The following CPSF3 variants were observed in gnomAD, a reference collection of about 807,000 sequenced individuals.
CPSF3 encodes the protein cleavage and polyadenylation specificity factor subunit 3.
Under a neutral mutation model 84.1 loss-of-function variants are expected in CPSF3, and 57 were observed. That is an observed-to-expected ratio of 0.68 (90% CI 0.55 to 0.85). CPSF3 has a LOEUF of 0.85. CPSF3 is among the 40% of genes least tolerant of loss of function. The pLI is 0.00. For synonymous variants in CPSF3, 275 were observed against 278.1 expected (o/e 0.99, Z 0.11); for missense variants, 522 against 838.8 (o/e 0.62, Z 4.66).
At chr2:9,432,327 C>G (rs1001066206) in intron 4 of CPSF3, among the ~76,000 whole-genome samples, 184 bp from the exon 5 acceptor site, 2 of 144,276 alleles carry the variant, frequency 1.4e-5, no homozygotes, top group African/African-American at 2.7e-5. Flanking sequence ...AGTTTTGTAG[C>G]TATACACACA....
chr2:9,438,102 T>C (rs536869913), intron 7 of CPSF3, among the ~76,000 whole-genome samples: 1 of 152,324 alleles, frequency 6.6e-6, no homozygotes, highest in East Asian at 1.9e-4. Context: ...TGTTCTGCCA[T>C]CTTGGTGAGG....
At chr2:9,424,330 T>C in intron 1 of CPSF3, 2 of 867,030 alleles carry the variant, frequency 2.3e-6, no homozygotes, top group Non-Finnish European at 2.8e-6. Flanking sequence ...TCTTCTCAGC[T>C]CAGGCCCTAG....
At chr2:9,437,533 T>A (rs768825130) in intron 7 of CPSF3, among the ~76,000 whole-genome samples, 4 of 152,222 alleles carry the variant, frequency 2.6e-5, no homozygotes, top group South Asian at 2.1e-4. Context: ...TATTTTTTGT[T>A]TTCTGCTTTT....
intron 1 of CPSF3, chr2:9,425,016 G>A (rs1263705422): frequency 6.6e-6 from 1 of 152,226 alleles, no homozygotes; most frequent in African/African-American, 2.4e-5. Context: ...ATTGCACTGA[G>A]CACTGTGAAA....
In CPSF3 at chr2:9,443,618, A is replaced by C. The variant is rs771430974; in HGVS notation, c.1199A>C (p.Gln400Pro). ...TCTTTCTCAGCTCACACGGATTACC[A>C]GCAAACCAGTGAATTTATTCGTGCT... ...YISFSAHTDY[Q>P]QTSEFIRALK... Residue 400 changes from glutamine (Q) to proline (P), a missense_variant, in exon 10 of 18, where the codon CAG (glutamine) becomes CCG (proline). Around this residue, in one of 2 missense-constraint regions of CPSF3, gnomAD observed 329 missense variants for 607.2 expected, o/e 0.54. Coordinates refer to ENST00000238112, the MANE Select transcript of CPSF3 (RefSeq NM_016207.4). 2 of 1,614,078 alleles carry C rather than the reference A, an allele frequency of 1.2e-6. No homozygotes were observed. Among genetic ancestry groups the C allele is most frequent in the Non-Finnish European group, 1.7e-6 (2 of 1,180,050 alleles).
intron 14 of CPSF3, among the ~76,000 whole-genome samples, 164 bp downstream of exon 14, chr2:9,457,191 G>GTGTGTGT (rs397983831): frequency 4.9e-5 from 7 of 144,052 alleles, no homozygotes; most frequent in Non-Finnish European, 7.6e-5. Context: ...GTGTGTGTGT[G>GTGTGTGT]GTTTTAAGGA....
At chr2:9,463,521 G>T (rs542247745) in intron 15 of CPSF3, among the ~76,000 whole-genome samples, 30 of 152,344 alleles carry the variant, frequency 2.0e-4, no homozygotes, top group African/African-American at 6.5e-4. Flanking sequence ...ATGATCCAGG[G>T]TATGTATGTG....
chr2:9,432,481 T>C, intron 4 of CPSF3, 30 bp from the exon 5 acceptor site: 1 of 1,415,574 alleles, frequency 7.1e-7, no homozygotes, highest in Non-Finnish European at 9.4e-7. Context: ...TGACTCTTAA[T>C]TGTTTTTGCT....
chr2:9,466,240 GCACGCA>G lies in CPSF3; in HGVS notation c.1787-1465_1787-1460del, dbSNP rs1558466030. Among the ~76,000 whole-genome samples the G allele has an allele frequency of 5.2e-4, 66 of 126,674 alleles. No homozygotes were observed. In the Middle Eastern group the frequency reaches 0.015, roughly 29 times the overall value. The allele number at this position is 126,674 out of a possible 152,430, so 83.1% of individuals were successfully genotyped here. A position where few individuals can be genotyped will look rare whatever the true frequency, so the allele number is the denominator to read the frequency against. On this transcript the variant is annotated intron_variant, in intron 15 of 17. Coordinates refer to ENST00000238112, the MANE Select transcript of CPSF3 (RefSeq NM_016207.4). ...CACGCACGCACACACACACGTGCGCGCACGCACGCGCACACACGCACACAAAGACGC... is the reference window on the plus strand; with the variant it reads ...CACGCACGCACACACACACGTGCGCGCGCGCACACACGCACACAAAGACGC...
At chr2:9,451,702 A>G (rs1195873685) in intron 11 of CPSF3, among the ~76,000 whole-genome samples, 2 of 150,994 alleles carry the variant, frequency 1.3e-5, no homozygotes, top group African/African-American at 4.9e-5. Context: ...TCTCAGAAAA[A>G]TAAATAAATG....
intron 15 of CPSF3, among the ~76,000 whole-genome samples, chr2:9,466,222 GCACA>G (rs373461180): frequency 4.1e-4 from 55 of 132,800 alleles, no homozygotes; most frequent in African/African-American, 9.7e-4. Context: ...ACACACGCAC[GCACA>G]CACACACGTG....
In CPSF3 at chr2:9,448,807, C is replaced by CGGGT. The variant is rs1486886255; in HGVS notation, c.1395+458_1395+459insGGTG. Among the ~76,000 whole-genome samples the CGGGT allele has an allele frequency of 3.3e-5, 5 of 152,058 alleles. No homozygotes were observed. The South Asian group carries it at 1.0e-3, about 32-fold the overall frequency. On this transcript the variant is annotated intron_variant, in intron 11 of 17. Coordinates refer to ENST00000238112, the MANE Select transcript of CPSF3 (RefSeq NM_016207.4). ...CTTGACCACGTGATCCACCCACCTCCGCCTCCCAAAGTGCTGGGATTACAG... is the reference window on the plus strand; with the variant it reads ...CTTGACCACGTGATCCACCCACCTCCGGGTGCCTCCCAAAGTGCTGGGATTACAG...
chr2:9,456,551 G>T (rs143829020), intron 13 of CPSF3, among the ~76,000 whole-genome samples: 14 of 152,288 alleles, frequency 9.2e-5, no homozygotes, highest in East Asian at 7.7e-4. Flanking sequence ...ATAGAATTCC[G>T]CTGTAGAATG....
intron 10 of CPSF3, among the ~76,000 whole-genome samples, chr2:9,444,062 TTG>T (rs1461844765): frequency 2.0e-5 from 3 of 151,426 alleles, no homozygotes; most frequent in African/African-American, 7.3e-5. Context: ...CATAAGGTTA[TTG>T]TAAGGATGAA....
chr2:9,433,836 C>G, intron 5 of CPSF3, 35 bp from the exon 6 acceptor site: 1 of 1,456,202 alleles, frequency 6.9e-7, no homozygotes, highest in Non-Finnish European at 9.6e-7. Context: ...AAGCCTTCCC[C>G]AAATCCTAAC....
At chr2:9,432,442 C>A (rs1680624073) in intron 4 of CPSF3, 69 bp from the exon 5 acceptor site, 1 of 1,089,296 alleles carries the variant, frequency 9.2e-7, no homozygotes, top group Admixed American at 3.0e-5. Context: ...TCCACAATTT[C>A]TTTGTGTTCA....
At chr2:9,464,361 T>C (rs901656629) in intron 15 of CPSF3, among the ~76,000 whole-genome samples, 1 of 152,008 alleles carries the variant, frequency 6.6e-6, no homozygotes, top group African/African-American at 2.4e-5. Flanking sequence ...TATATATACA[T>C]ATATATACAC....
At chr2:9,460,237 G>A (rs2124858185) in intron 15 of CPSF3, among the ~76,000 whole-genome samples, 1 of 152,148 alleles carries the variant, frequency 6.6e-6, no homozygotes, top group East Asian at 1.9e-4. Flanking sequence ...AGACCATCCT[G>A]GCTAACACGG....
In CPSF3 at chr2:9,436,326, C is replaced by G; in HGVS notation, c.725C>G (p.Ala242Gly). ...RGGRGLIPVFALGRAQELLLI... is the reference protein window; with the variant it reads ...RGGRGLIPVFGLGRAQELLLI... ...GGCAGGGGTCTCATTCCTGTCTTTG[C>G]TCTTGGAAGGGCTCAGGAGCTGCTC... The change falls in exon 7 of 18, where the codon GCT (alanine) becomes GGT (glycine). Residue 242 changes from alanine (A) to glycine (G), a missense_variant. Physicochemically the swap from Ala to Gly is moderately conservative, Grantham distance 60. Around this residue, in one of 2 missense-constraint regions of CPSF3, gnomAD observed 329 missense variants for 607.2 expected, o/e 0.54. Coordinates refer to ENST00000238112, the MANE Select transcript of CPSF3 (RefSeq NM_016207.4). 6.2e-7 allele frequency: 1 copy of G among 1,613,832 alleles called. No individual in the cohort carries two copies. The highest frequency in any genetic ancestry group is 8.5e-7 in the Non-Finnish European group (1 of 1,179,884).
Sources: allele counts gnomAD v4.1 joint callset (sites outside exome capture counted in the v4.1 genomes callset), GRCh38; gene constraint gnomAD v4.1.1; regional missense constraint gnomAD v4.1.1; transcripts MANE v1.5; gene names NCBI Gene and HGNC (gene_info 2026-07-23, HGNC 2026-07-21).